JAZF1: variants seen among roughly 807,000 people sequenced by gnomAD.
The protein encoded by JAZF1 is JAZF zinc finger 1.
In JAZF1, 8 loss-of-function variants were observed where a neutral mutation model predicts 26.4. The observed-to-expected ratio is 0.30, with a 90% CI of 0.18 to 0.55. The LOEUF (loss-of-function observed/expected upper bound fraction) is 0.55, where lower values mean the gene tolerates loss of function less well. Ranked by LOEUF, JAZF1 falls within the 20% of genes least tolerant of loss-of-function variation. The pLI is 0.94. For synonymous variants in JAZF1, 126 were observed against 122.3 expected, an observed-to-expected ratio of 1.03 and a Z score of -0.20; for missense variants, 199 against 322.0, an observed-to-expected ratio of 0.62 and a Z score of 2.92.
At chr7:27,893,548 T>C (rs1784010751) in intron 3 of JAZF1, among the ~76,000 whole-genome samples, 1 of 152,196 alleles carries the variant, frequency 6.6e-6, no homozygotes, top group South Asian at 2.1e-4. Context: ...CTTTGTGACA[T>C]TGCTCCCCCT....
chr7:28,021,151 T>G (rs745709987), intron 1 of JAZF1, among the ~76,000 whole-genome samples: 1 of 152,008 alleles, frequency 6.6e-6, no homozygotes, highest in Non-Finnish European at 1.5e-5. Flanking sequence ...AAAGGAAGAT[T>G]GGCAAGCGGC....
At chr7:28,007,377 C>T (rs184870105) in intron 1 of JAZF1, among the ~76,000 whole-genome samples, 70 of 151,996 alleles carry the variant, frequency 4.6e-4, no homozygotes, top group Non-Finnish European at 9.3e-4. Flanking sequence ...GAGATCAATC[C>T]GACCAACATG....
At chr7:28,018,748 A>G (rs1194489385) in intron 1 of JAZF1, among the ~76,000 whole-genome samples, 1 of 152,194 alleles carries the variant, frequency 6.6e-6, no homozygotes, top group African/African-American at 2.4e-5. Context: ...CGCAATTATA[A>G]AAAGGTTCTA....
intron 3 of JAZF1, among the ~76,000 whole-genome samples, chr7:27,882,136 C>G (rs1783782451): frequency 1.3e-5 from 2 of 152,094 alleles, no homozygotes. Context: ...ACTTAGAATA[C>G]TCTGGCTGCC....
intron 1 of JAZF1, among the ~76,000 whole-genome samples, chr7:28,058,818 T>G (rs935639839): frequency 5.9e-5 from 9 of 152,236 alleles, no homozygotes; most frequent in Non-Finnish European, 1.3e-4. Context: ...GCAATTTTCT[T>G]AAATATTTTC....
chr7:28,012,270 T>C (rs929990687), intron 1 of JAZF1, among the ~76,000 whole-genome samples: 1 of 152,204 alleles, frequency 6.6e-6, no homozygotes, highest in Non-Finnish European at 1.5e-5. Flanking sequence ...TAAATTTTGA[T>C]CTGTCATTGA....
intron 1 of JAZF1, among the ~76,000 whole-genome samples, chr7:28,077,939 T>G (rs776071425): frequency 6.6e-6 from 1 of 152,178 alleles, no homozygotes; most frequent in Admixed American, 6.5e-5. Context: ...CCATCTACTA[T>G]TTAAGACCCA....
chr7:27,954,402 G>A (rs532584917), intron 2 of JAZF1, among the ~76,000 whole-genome samples: 2 of 152,276 alleles, frequency 1.3e-5, no homozygotes, highest in South Asian at 4.1e-4. Context: ...GGTCGGCAGT[G>A]GGTGTGGCTG....
At chr7:27,867,687 T>G (rs1459826955) in intron 3 of JAZF1, among the ~76,000 whole-genome samples, 1 of 152,220 alleles carries the variant, frequency 6.6e-6, no homozygotes, top group Non-Finnish European at 1.5e-5. Context: ...GGGCAAGAAT[T>G]TCCCACTCAA....
chr7:27,863,143 T>C (rs1783412142), intron 3 of JAZF1, among the ~76,000 whole-genome samples: 1 of 152,250 alleles, frequency 6.6e-6, no homozygotes, highest in African/African-American at 2.4e-5. Context: ...TTCAAAATGT[T>C]ATTTCAGGTG....
At chr7:27,898,072 T>C (rs1162558230) in intron 2 of JAZF1, among the ~76,000 whole-genome samples, 10 of 152,112 alleles carry the variant, frequency 6.6e-5, no homozygotes, top group Admixed American at 6.5e-4. Context: ...TATGTCTCTA[T>C]ATTTTGTCCA....
At chr7:27,978,900 G>C (rs1482584938) in intron 2 of JAZF1, among the ~76,000 whole-genome samples, 3 of 151,616 alleles carry the variant, frequency 2.0e-5, no homozygotes, top group Non-Finnish European at 2.9e-5. Flanking sequence ...TGTTTTTTGG[G>C]GGGAGAAAGG....
intron 2 of JAZF1, among the ~76,000 whole-genome samples, chr7:27,970,919 C>T (rs1436325638): frequency 6.6e-6 from 1 of 152,214 alleles, no homozygotes; most frequent in East Asian, 1.9e-4. Flanking sequence ...AGGGCTCCCA[C>T]AACCTCCCTT....
Position 27,840,552 on chromosome 7 carries a change from G to T in JAZF1, c.555+146C>A. 3.6e-6 allele frequency: 3 copies of T among 828,566 alleles called. No individual in the cohort carries two copies. Among genetic ancestry groups the T allele is most frequent in the South Asian group, 1.6e-5 (1 of 61,080 alleles). 51.3% of individuals were successfully genotyped at this position (828,566 alleles called of 1,614,324 possible). A position where few individuals can be genotyped will look rare whatever the true frequency, so the allele number is the denominator to read the frequency against. On this transcript the variant is annotated intron_variant, in intron 4 of 4. Transcript: ENST00000283928. The surrounding 1 kb of genome is among the most constrained non-coding windows in gnomAD (Gnocchi z 5.1). Reference sequence around the variant, plus strand: ...TGAGGGCACCTGTGTGCACACAGGGGTGAGGCCCACGCACTCTAATGCAGG... The same window carrying T: ...TGAGGGCACCTGTGTGCACACAGGGTTGAGGCCCACGCACTCTAATGCAGG...
At chr7:27,942,639 C>T (rs1161770713) in intron 2 of JAZF1, among the ~76,000 whole-genome samples, 2 of 152,152 alleles carry the variant, frequency 1.3e-5, no homozygotes, top group Non-Finnish European at 2.9e-5. Context: ...AGAGCCCAGG[C>T]CTGAGTTGAG....
chr7:27,919,543 T>C (rs1167244764), intron 2 of JAZF1, among the ~76,000 whole-genome samples: 3 of 152,184 alleles, frequency 2.0e-5, no homozygotes, highest in Admixed American at 2.0e-4. Context: ...CAGAGCTGGA[T>C]AACACAGAAC....
At chr7:27,853,811 GA>G (rs1783194891) in intron 3 of JAZF1, among the ~76,000 whole-genome samples, 1 of 152,196 alleles carries the variant, frequency 6.6e-6, no homozygotes, top group Non-Finnish European at 1.5e-5. Context: ...GTCAATTTTA[GA>G]ATAAGTTTGA....
chr7:28,063,252 TC>T (rs1231046578), intron 1 of JAZF1, among the ~76,000 whole-genome samples: 1 of 152,254 alleles, frequency 6.6e-6, no homozygotes, highest in Admixed American at 6.5e-5. Context: ...AATTTGCAGA[TC>T]CTAATTACTT....
intron 1 of JAZF1, among the ~76,000 whole-genome samples, chr7:28,018,269 C>T (rs766639942): frequency 6.6e-6 from 1 of 152,162 alleles, no homozygotes; most frequent in Non-Finnish European, 1.5e-5. Context: ...GTGCTGGGTG[C>T]ATGGTCACAG....
Sources: allele counts gnomAD v4.1 joint callset (sites outside exome capture counted in the v4.1 genomes callset), GRCh38; gene constraint gnomAD v4.1.1; non-coding constraint Gnocchi (gnomAD v3.1); transcripts MANE v1.5; gene names NCBI Gene and HGNC (gene_info 2026-07-23, HGNC 2026-07-21).